The following PLD1 variants were observed in gnomAD, a reference collection of about 807,000 sequenced individuals.
PLD1 encodes the protein choline phosphatase 1.
PLD1 carries 112 observed loss-of-function variants against 137.1 expected under a neutral mutation model. That is an observed-to-expected ratio of 0.82 (90% confidence interval 0.70 to 0.96). The LOEUF is 0.96. PLD1 is among the 40% of genes least tolerant of loss of function. The probability of loss-of-function intolerance (pLI) is 0.00; values close to 1 mark genes in which losing one functional copy is unlikely to be tolerated. For missense variants in PLD1, 1,321 were observed against 1,342.0 expected (o/e 0.98, Z 0.24); for synonymous variants, 431 against 454.7 (o/e 0.95, Z 0.66).
At chr3:171,687,209 C>G (rs1480622513) in intron 15 of PLD1, among the ~76,000 whole-genome samples, 162 bp downstream of exon 15, 1 of 152,162 alleles carries the variant, frequency 6.6e-6, no homozygotes, top group Non-Finnish European at 1.5e-5. Flanking sequence ...GCAAACAAAG[C>G]CACCAAATGG....
At chr3:171,752,722 C>G (rs190016741) in intron 1 of PLD1, among the ~76,000 whole-genome samples, 1 of 152,284 alleles carries the variant, frequency 6.6e-6, no homozygotes, top group African/African-American at 2.4e-5. Context: ...AATTACATAA[C>G]CAGTGGGCAG....
intron 11 of PLD1, among the ~76,000 whole-genome samples, chr3:171,700,170 C>A (rs370765445): frequency 6.6e-6 from 1 of 151,950 alleles, no homozygotes; most frequent in African/African-American, 2.4e-5. Context: ...CTCTCTCCCA[C>A]CACAGACTGA....
intron 1 of PLD1, among the ~76,000 whole-genome samples, chr3:171,802,442 G>T (rs1049769833): frequency 6.6e-6 from 1 of 152,134 alleles, no homozygotes; most frequent in Non-Finnish European, 1.5e-5. Flanking sequence ...TGACCATTTT[G>T]TCATTGATCC....
chr3:171,650,808 G>T (rs557495971), intron 21 of PLD1, among the ~76,000 whole-genome samples: 1 of 152,058 alleles, frequency 6.6e-6, no homozygotes, highest in African/African-American at 2.4e-5. Flanking sequence ...TGAGGCAGGA[G>T]AATGGCGTGA....
chr3:171,618,306 C>G (rs1733287514), intron 24 of PLD1, among the ~76,000 whole-genome samples: 1 of 152,178 alleles, frequency 6.6e-6, no homozygotes, highest in South Asian at 2.1e-4. Context: ...AAAACCTCAA[C>G]AAATTTATTT....
At chr3:171,647,185 C>A (rs926510439) in intron 21 of PLD1, among the ~76,000 whole-genome samples, 1 of 152,142 alleles carries the variant, frequency 6.6e-6, no homozygotes, top group African/African-American at 2.4e-5. Context: ...CAATCAAAGA[C>A]CCTTGCACAT....
chr3:171,791,131 C>G (rs1368389238), intron 1 of PLD1, among the ~76,000 whole-genome samples: 1 of 152,182 alleles, frequency 6.6e-6, no homozygotes, highest in Non-Finnish European at 1.5e-5. Context: ...GCAACAAATG[C>G]CTTCACAAAG....
At chr3:171,656,487 G>C (rs1212604371) in intron 21 of PLD1, among the ~76,000 whole-genome samples, 1 of 152,174 alleles carries the variant, frequency 6.6e-6, no homozygotes, top group East Asian at 1.9e-4. Flanking sequence ...TATTATTTTA[G>C]AAGTCCAGAT....
chr3:171,610,947 GT>G (rs1245897308), intron 25 of PLD1, among the ~76,000 whole-genome samples: 1 of 152,192 alleles, frequency 6.6e-6, no homozygotes, highest in African/African-American at 2.4e-5. Flanking sequence ...GCTTATGTTG[GT>G]CTTGGAAGCC....
chr3:171,748,642 T>C (rs1352567648), intron 1 of PLD1, among the ~76,000 whole-genome samples: 1 of 152,018 alleles, frequency 6.6e-6, no homozygotes, highest in Admixed American at 6.6e-5. Context: ...ACAATTTCAA[T>C]TTTTTGGCCA....
chr3:171,783,524 C>G (rs7626674), intron 1 of PLD1, among the ~76,000 whole-genome samples: 125,478 of 152,146 alleles, frequency 0.82, 52,000 homozygotes, highest in Middle Eastern at 0.92. Flanking sequence ...GAGGATATTA[C>G]AAGACAGAGC....
chr3:171,635,962 CTTCTTTTTTTTTTT>C (rs1336840032), intron 23 of PLD1, among the ~76,000 whole-genome samples: 2 of 37,136 alleles, frequency 5.4e-5, no homozygotes, highest in Non-Finnish European at 1.2e-4. Flanking sequence ...AGGGGTTCAA[CTTCTTTTTTTTTTT>C]TTTTTTTTTT....
intron 1 of PLD1, among the ~76,000 whole-genome samples, chr3:171,743,201 C>A (rs955200292): frequency 2.6e-5 from 4 of 152,214 alleles, no homozygotes; most frequent in Non-Finnish European, 5.9e-5. Flanking sequence ...AGGCAAAAAT[C>A]ATCTTGGTTG....
intron 18 of PLD1, among the ~76,000 whole-genome samples, chr3:171,675,025 G>A (rs1366536086): frequency 6.6e-6 from 1 of 150,740 alleles, no homozygotes; most frequent in African/African-American, 2.4e-5. Context: ...AGAAATTCAG[G>A]TTAATTTGAA....
intron 23 of PLD1, among the ~76,000 whole-genome samples, chr3:171,624,051 C>T (rs376789455): frequency 4.7e-4 from 69 of 146,084 alleles, no homozygotes; most frequent in Middle Eastern, 3.6e-3. Flanking sequence ...AATAACAACA[C>T]GTTTGCATGA....
At chr3:171,762,098 G>C (rs1721438310) in intron 1 of PLD1, among the ~76,000 whole-genome samples, 1 of 152,206 alleles carries the variant, frequency 6.6e-6, no homozygotes, top group Non-Finnish European at 1.5e-5. Flanking sequence ...TCTGAGCAAA[G>C]GTGGTGGGTA....
At chr3:171,616,119 T>G (rs560596724) in intron 24 of PLD1, among the ~76,000 whole-genome samples, 1 of 152,360 alleles carries the variant, frequency 6.6e-6, no homozygotes, top group South Asian at 2.1e-4. Context: ...TATGTTCTTT[T>G]TGATGAAGTT....
At position 171,714,005 on chromosome 3, in the gene PLD1, G is replaced by A. The variant is rs764051022; in HGVS notation, c.799C>T (p.Pro267Ser). The A allele has an allele frequency of 6.2e-6, 10 of 1,608,246 alleles. No individual in the cohort carries two copies. The South Asian group carries it at 9.9e-5, about 16-fold the overall frequency. Residue 267 changes from proline (P) to serine (S), a missense_variant, in exon 9 of 27, where the codon CCA becomes TCA. Physicochemically the swap from Pro to Ser is moderately conservative, Grantham distance 74. Coordinates refer to ENST00000351298, the MANE Select transcript of PLD1 (RefSeq NM_002662.5). ...ACGAAGGCAATGGCACCGCTGTCTG[G>A]TTTCATATACAATAAAAAGGAATCT... ...VKDSFLLYMKPDSGAIAFVLL... is the reference protein window; with the variant it reads ...VKDSFLLYMKSDSGAIAFVLL...
At chr3:171,616,049 C>A (rs1733081950) in intron 24 of PLD1, among the ~76,000 whole-genome samples, 1 of 152,172 alleles carries the variant, frequency 6.6e-6, no homozygotes, top group Non-Finnish European at 1.5e-5. Flanking sequence ...TTTTTAAAAA[C>A]TCTTATTTGT....
Sources: allele counts gnomAD v4.1 joint callset (sites outside exome capture counted in the v4.1 genomes callset), GRCh38; gene constraint gnomAD v4.1.1; transcripts MANE v1.5; gene names NCBI Gene and HGNC (gene_info 2026-07-23, HGNC 2026-07-21).